WWC1: variants seen among roughly 807,000 people sequenced by gnomAD.
The protein encoded by WWC1 is protein KIBRA.
WWC1 carries 55 observed loss-of-function variants against 138.4 expected under a neutral mutation model. That is an observed-to-expected ratio of 0.40 (90% CI 0.32 to 0.50). WWC1 has a LOEUF of 0.50. WWC1 is among the 20% of genes least tolerant of loss of function. The probability of loss-of-function intolerance (pLI) is 0.72; values close to 1 mark genes in which losing one functional copy is unlikely to be tolerated. For synonymous variants in WWC1, 524 were observed against 564.9 expected, an observed-to-expected ratio of 0.93 and a Z score of 1.03; for missense variants, 1,226 against 1,420.4, an observed-to-expected ratio of 0.86 and a Z score of 2.20.
chr5:168,432,931 G>A (rs1472912006), intron 15 of WWC1, among the ~76,000 whole-genome samples: 2 of 152,204 alleles, frequency 1.3e-5, no homozygotes, highest in African/African-American at 2.4e-5. Flanking sequence ...CCTTTCTCCT[G>A]CTGTAAATCA....
intron 3 of WWC1, among the ~76,000 whole-genome samples, chr5:168,389,127 A>G (rs1225901558): frequency 6.6e-6 from 1 of 152,190 alleles, no homozygotes; most frequent in African/African-American, 2.4e-5. Flanking sequence ...GTTGGGCACT[A>G]TGAGAATGAA....
chr5:168,465,620 C>CATGAT (rs1298646242), intron 21 of WWC1, among the ~76,000 whole-genome samples: 1 of 118,414 alleles, frequency 8.4e-6, no homozygotes, highest in Non-Finnish European at 1.6e-5. Context: ...AGTGTGGTGG[C>CATGAT]ATGATGGCTC....
At chr5:168,346,842 C>T (rs1340030784) in intron 1 of WWC1, among the ~76,000 whole-genome samples, 1 of 151,910 alleles carries the variant, frequency 6.6e-6, no homozygotes, top group African/African-American at 2.4e-5. Flanking sequence ...GAGGAGGAGC[C>T]GTTTGGTTGG....
chr5:168,314,601 G>C (rs559757396), intron 1 of WWC1, among the ~76,000 whole-genome samples: 2 of 152,238 alleles, frequency 1.3e-5, no homozygotes, highest in South Asian at 4.1e-4. Context: ...AAATATTGCT[G>C]TGAGGGGACT....
chr5:168,325,160 G>A (rs144344362), intron 1 of WWC1, among the ~76,000 whole-genome samples: 178 of 152,314 alleles, frequency 1.2e-3, no homozygotes, highest in African/African-American at 4.0e-3. Flanking sequence ...GACCACGTGT[G>A]TCCTCCTTGT....
chr5:168,364,227 G>A lies in WWC1; in HGVS notation c.120-7197G>A, dbSNP rs375194611. Among the ~76,000 whole-genome samples, 33 of 152,078 alleles carry A rather than the reference G, an allele frequency of 2.2e-4. 1 individual carries two copies. In the South Asian group the frequency reaches 6.2e-3, roughly 29 times the overall value. ...GAGGTGGAGCCTGGGTTTCAGCCTC[G>A]CATCCCATTCCTGAGCCTTTGTGGG... On this transcript the variant is annotated intron_variant, in intron 1 of 22. Transcript: ENST00000265293.
At position 168,469,322 on chromosome 5, in the gene WWC1, T is replaced by C; in HGVS notation, c.*305T>C. On this transcript the variant is annotated 3_prime_UTR_variant, in exon 23 of 23. Coordinates refer to ENST00000265293, the MANE Select transcript of WWC1 (RefSeq NM_015238.3). ...AGAAAATTTAAATGAACTAAAGCAG[T>C]ATTGAGTTGCTGCTCTTCTTAAAAT... 1 of 358,752 alleles carries C rather than the reference T, an allele frequency of 2.8e-6. No individual in the cohort carries two copies. The highest frequency in any genetic ancestry group is 5.1e-5 in the East Asian group (1 of 19,554). 22.2% of individuals were successfully genotyped at this position (358,752 alleles called of 1,614,324 possible). A position where few individuals can be genotyped will look rare whatever the true frequency, so the allele number is the denominator to read the frequency against.
chr5:168,402,577 G>T (rs1779389025), intron 5 of WWC1, among the ~76,000 whole-genome samples: 1 of 152,136 alleles, frequency 6.6e-6, no homozygotes, highest in Non-Finnish European at 1.5e-5. Flanking sequence ...GCTAGACAGT[G>T]TGCTGGGGAA....
At chr5:168,365,868 C>T (rs1776252649) in intron 1 of WWC1, among the ~76,000 whole-genome samples, 1 of 152,214 alleles carries the variant, frequency 6.6e-6, no homozygotes, top group African/African-American at 2.4e-5. Context: ...CTTGCCCCTC[C>T]AGCATCTGGG....
intron 1 of WWC1, among the ~76,000 whole-genome samples, chr5:168,324,969 A>T (rs1019493780): frequency 9.9e-5 from 15 of 152,204 alleles, no homozygotes; most frequent in Non-Finnish European, 2.1e-4. Context: ...CTAGTAGCTG[A>T]GTTCAAATAC....
intron 6 of WWC1, among the ~76,000 whole-genome samples, chr5:168,407,542 G>T (rs1426752298): frequency 6.6e-6 from 1 of 152,218 alleles, no homozygotes; most frequent in African/African-American, 2.4e-5. Flanking sequence ...GGAAGCTCCT[G>T]CCCAGGACAG....
chr5:168,447,922 T>A (rs185916434), intron 17 of WWC1, among the ~76,000 whole-genome samples: 22 of 152,144 alleles, frequency 1.4e-4, no homozygotes, highest in Admixed American at 1.3e-3. Context: ...CTACTACGGA[T>A]CACACAGGCA....
intron 18 of WWC1, among the ~76,000 whole-genome samples, chr5:168,454,979 G>C (rs1420410784): frequency 1.3e-5 from 2 of 152,226 alleles, no homozygotes; most frequent in African/African-American, 4.8e-5. Context: ...GGCTGTGGAA[G>C]CCTTGGGTGT....
chr5:168,466,616 T>A (rs1336263147), intron 21 of WWC1, among the ~76,000 whole-genome samples: 1 of 152,232 alleles, frequency 6.6e-6, no homozygotes, highest in Admixed American at 6.5e-5. Context: ...AAAGTTTATT[T>A]CTTTCTTATT....
Position 168,428,030 on chromosome 5 carries a change from T to C in WWC1, c.1811-3T>C, listed in dbSNP as rs373257084. The C allele has an allele frequency of 1.2e-6, 2 of 1,612,840 alleles. No homozygotes were observed. Among genetic ancestry groups the C allele is most frequent in the Non-Finnish European group, 1.7e-6 (2 of 1,179,228 alleles). The stretch of plus-strand genomic sequence containing the variant: ...AACCTGCCTTTCCATTTTCCTTCCC[T>C]AGCTGTGAATACGGCCCAGGGGTGT... On this transcript the variant is annotated splice_region_variant and splice_polypyrimidine_tract_variant and intron_variant, in intron 11 of 22. Coordinates refer to ENST00000265293, the MANE Select transcript of WWC1 (RefSeq NM_015238.3).
chr5:168,293,097 T>A (rs1228597295), intron 1 of WWC1, among the ~76,000 whole-genome samples: 1 of 152,150 alleles, frequency 6.6e-6, no homozygotes, highest in Non-Finnish European at 1.5e-5. Flanking sequence ...CCGCTGTAGG[T>A]TGAGATAATG....
intron 17 of WWC1, among the ~76,000 whole-genome samples, chr5:168,452,460 T>C (rs1755917645): frequency 6.6e-6 from 1 of 152,282 alleles, no homozygotes; most frequent in South Asian, 2.1e-4. Flanking sequence ...GAGGACAGAC[T>C]GTGTGAGCAC....
chr5:168,368,563 G>A (rs1488396140), intron 1 of WWC1, among the ~76,000 whole-genome samples: 1 of 152,168 alleles, frequency 6.6e-6, no homozygotes, highest in Non-Finnish European at 1.5e-5. Flanking sequence ...GGAGGAATGA[G>A]CCAGAATGAT....
intron 1 of WWC1, among the ~76,000 whole-genome samples, chr5:168,311,764 C>T (rs990303719): frequency 6.6e-6 from 1 of 152,052 alleles, no homozygotes; most frequent in Non-Finnish European, 1.5e-5. Flanking sequence ...GTAGTTCTAG[C>T]TACTCAGGAG....
Sources: gnomAD v4.1 joint callset for allele counts (sites outside exome capture counted in the v4.1 genomes callset) on GRCh38, gnomAD v4.1.1 for gene constraint, MANE v1.5 for transcripts, NCBI Gene and HGNC (gene_info 2026-07-23, HGNC 2026-07-21) for gene names.